TP53BP1: variants seen among roughly 807,000 people sequenced by gnomAD.
TP53BP1 encodes the protein tumor protein p53 binding protein 1.
Under a neutral mutation model 200.8 loss-of-function variants are expected in TP53BP1, and 61 were observed. The observed-to-expected ratio is 0.30, with a 90% confidence interval of 0.25 to 0.38. The LOEUF (loss-of-function observed/expected upper bound fraction) is 0.38. Among genes scored for constraint, TP53BP1 ranks in the 10% least tolerant of loss-of-function variants. The probability of loss-of-function intolerance (pLI) is 1.00; values close to 1 mark genes in which losing one functional copy is unlikely to be tolerated. For missense variants in TP53BP1, 2,144 were observed against 2,371.9 expected (o/e 0.90, Z 2.00); for synonymous variants, 822 against 844.3 (o/e 0.97, Z 0.46).
intron 26 of TP53BP1, chr15:43,408,655 A>G: frequency 6.0e-6 from 3 of 497,820 alleles, no homozygotes; most frequent in Non-Finnish European, 1.1e-5. Flanking sequence ...TAGTTCTCTG[A>G]CTTTACAGGT....
At chr15:43,431,164 AT>A (rs2045660267) in intron 17 of TP53BP1, among the ~76,000 whole-genome samples, 1 of 152,182 alleles carries the variant, frequency 6.6e-6, no homozygotes, top group Non-Finnish European at 1.5e-5. Flanking sequence ...ACTTTATCAC[AT>A]TACTCAGAAC....
At position 43,407,194 on chromosome 15, in the gene TP53BP1, AAC is replaced by A; in HGVS notation, c.*187_*188del. The A allele has an allele frequency of 1.7e-6, 1 of 580,890 alleles. No individual in the cohort carries two copies. Among genetic ancestry groups the A allele is most frequent in the Non-Finnish European group, 3.0e-6 (1 of 331,050 alleles). 36.0% of individuals were successfully genotyped at this position (580,890 alleles called of 1,614,324 possible). ...TTTGTTCTGAGATTAAGCTCAAAAAAACAGATGAAGAAATCCCAGTTACTACA... is the reference window on the plus strand; with the variant it reads ...TTTGTTCTGAGATTAAGCTCAAAAAAAGATGAAGAAATCCCAGTTACTACA... On this transcript the variant is annotated 3_prime_UTR_variant, in exon 28 of 28. Coordinates refer to ENST00000382044, the MANE Select transcript of TP53BP1 (RefSeq NM_001141980.3).
chr15:43,508,084 G>A (rs1045744755), intron 1 of TP53BP1, among the ~76,000 whole-genome samples: 4 of 152,128 alleles, frequency 2.6e-5, no homozygotes, highest in East Asian at 1.9e-4. Flanking sequence ...TTTCTGGGCC[G>A]GGCACGGTGG....
intron 1 of TP53BP1, among the ~76,000 whole-genome samples, chr15:43,503,213 T>C (rs529679311): frequency 6.6e-6 from 1 of 152,356 alleles, no homozygotes; most frequent in East Asian, 1.9e-4. Flanking sequence ...ATAGAACATA[T>C]CAATCACCCA....
At chr15:43,414,032 G>GAA in intron 23 of TP53BP1, 1 of 440,602 alleles carries the variant, frequency 2.3e-6, no homozygotes, top group Admixed American at 2.8e-5. Flanking sequence ...AAGTCCTTGA[G>GAA]AAAAAAAACA....
intron 11 of TP53BP1, among the ~76,000 whole-genome samples, chr15:43,464,368 A>G (rs566842536): frequency 6.6e-6 from 1 of 152,382 alleles, no homozygotes; most frequent in Non-Finnish European, 1.5e-5. Context: ...GAATTTAGAA[A>G]TTAAAAACCC....
intron 1 of TP53BP1, among the ~76,000 whole-genome samples, chr15:43,503,346 T>C (rs2079219652): frequency 6.6e-6 from 1 of 152,244 alleles, no homozygotes; most frequent in Non-Finnish European, 1.5e-5. Context: ...ATGCAGTATG[T>C]ACTGTGACAA....
chr15:43,492,848 T>C (rs1164704495), intron 1 of TP53BP1, among the ~76,000 whole-genome samples, 189 bp downstream of exon 1: 2 of 146,760 alleles, frequency 1.4e-5, no homozygotes, highest in Non-Finnish European at 3.0e-5. Context: ...CCCACAGCCT[T>C]TCAGCTTTCC....
chr15:43,435,500 A>G (rs1282731610), intron 16 of TP53BP1, among the ~76,000 whole-genome samples: 1 of 152,154 alleles, frequency 6.6e-6, no homozygotes, highest in East Asian at 1.9e-4. Flanking sequence ...ATACAATGAC[A>G]TCAATAAATT....
chr15:43,417,618 A>G (rs2142982861), intron 21 of TP53BP1, among the ~76,000 whole-genome samples: 1 of 152,358 alleles, frequency 6.6e-6, no homozygotes, highest in African/African-American at 2.4e-5. Flanking sequence ...CACTCTTGTT[A>G]CAGAACTCCG....
chr15:43,404,399 CCTT>C lies in TP53BP1; in HGVS notation c.*2981_*2983del, dbSNP rs771076575. 10 of 1,613,962 alleles carry C rather than the reference CCTT, an allele frequency of 6.2e-6. No homozygotes were observed. Among genetic ancestry groups the C allele is most frequent in the Non-Finnish European group, 8.5e-6 (10 of 1,179,900 alleles). ...AGCTGAAGTGGAATGACAGCTGAGT[CCTT>C]CTCTCTGCAGGGCTTTAGCCGCCAG... On this transcript the variant is annotated 3_prime_UTR_variant, in exon 28 of 28. Coordinates refer to ENST00000382044, the MANE Select transcript of TP53BP1 (RefSeq NM_001141980.3).
At position 43,435,958 on chromosome 15, in the gene TP53BP1, A is replaced by G. The variant is rs184363461; in HGVS notation, c.3191+2366T>C. On this transcript the variant is annotated intron_variant, in intron 16 of 27. Transcript: ENST00000382044. ...TGGTCACCCCTCCTCAGCCTCTCAA[A>G]GTGCTGGGATTACAGGTGTGAGCCA... Among the ~76,000 whole-genome samples, 13 of 151,846 alleles carry G rather than the reference A, an allele frequency of 8.6e-5. No homozygotes were observed. In the East Asian group the frequency reaches 2.5e-3, roughly 29 times the overall value.
intron 15 of TP53BP1, among the ~76,000 whole-genome samples, chr15:43,440,713 T>C (rs942193494): frequency 6.6e-6 from 1 of 151,314 alleles, no homozygotes; most frequent in African/African-American, 2.4e-5. Flanking sequence ...CATAGTAAAA[T>C]CCTCATCTCT....
intron 16 of TP53BP1, 74 bp from the exon 17 acceptor site, chr15:43,432,751 A>ATG: frequency 2.7e-6 from 4 of 1,482,584 alleles, no homozygotes; most frequent in Non-Finnish European, 3.6e-6. Context: ...GTGCGTGTGC[A>ATG]TGTGTGTGTG....
chr15:43,425,654 G>A (rs1398381179), intron 18 of TP53BP1, among the ~76,000 whole-genome samples: 1 of 151,872 alleles, frequency 6.6e-6, no homozygotes, highest in African/African-American at 2.4e-5. Flanking sequence ...TTTAAGAAAT[G>A]AAGTAATGTG....
intron 18 of TP53BP1, among the ~76,000 whole-genome samples, chr15:43,424,937 C>T (rs529898335): frequency 1.3e-5 from 2 of 152,262 alleles, no homozygotes; most frequent in Admixed American, 6.5e-5. Context: ...CATGGATTAA[C>T]GGAATTACGA....
Position 43,475,552 on chromosome 15 carries a change from T to C in TP53BP1, c.1085+13A>G, listed in dbSNP as rs2078867832. 6.2e-7 allele frequency: 1 copy of C among 1,614,034 alleles called. No individual in the cohort carries two copies. The highest frequency in any genetic ancestry group is 8.5e-7 in the Non-Finnish European group (1 of 1,179,950). ...CATACTGCCTTGGCATAAGCTATTT[T>C]AGGCTTACTTACGTGGAAAGACTGT... On this transcript the variant is annotated intron_variant, in intron 9 of 27. Coordinates refer to ENST00000382044, the MANE Select transcript of TP53BP1 (RefSeq NM_001141980.3).
chr15:43,469,875 G>A lies in TP53BP1; in HGVS notation c.1372C>T (p.Gln458Ter), dbSNP rs769419463. ...FPPGSLPIPSQPQFSHDIFIP... is the reference protein window; with the variant it reads ...FPPGSLPIPS The stretch of plus-strand genomic sequence containing the variant: ...ATACTCACATGAGAAAACTGAGGCT[G>A]GGATGGGATAGGAAGTGACCCAGGA... The change falls in exon 11 of 28, where the codon CAG (glutamine) becomes TAG (stop). Residue 458 changes from glutamine to a stop codon, truncating the protein, a stop_gained. Transcript: ENST00000382044. LOFTEE classifies it high-confidence loss of function. 6.2e-7 allele frequency: 1 copy of A among 1,613,582 alleles called. No homozygotes were observed.
intron 12 of TP53BP1, among the ~76,000 whole-genome samples, chr15:43,450,073 C>T (rs1238316196): frequency 6.6e-6 from 1 of 152,216 alleles, no homozygotes; most frequent in Non-Finnish European, 1.5e-5. Context: ...CAAATCCCTT[C>T]TTGTTTTTCC....
Sources: allele counts gnomAD v4.1 joint callset (sites outside exome capture counted in the v4.1 genomes callset), GRCh38; gene constraint gnomAD v4.1.1; transcripts MANE v1.5; gene names NCBI Gene and HGNC (gene_info 2026-07-23, HGNC 2026-07-21).